Variants in CFAP70 observed in about 807,000 individuals in gnomAD.
CFAP70 encodes cilia and flagella associated protein 70.
CFAP70 carries 81 observed loss-of-function variants against 137.6 expected under a neutral mutation model. That is an observed-to-expected ratio of 0.59 (90% CI 0.49 to 0.71). The LOEUF is 0.71. Ranked by LOEUF, CFAP70 falls within the 30% of genes least tolerant of loss-of-function variation. CFAP70 has a pLI of 0.00. For missense variants in CFAP70, 976 were observed against 1,226.7 expected, an observed-to-expected ratio of 0.80 and a Z score of 3.05; for synonymous variants, 382 against 423.6, an observed-to-expected ratio of 0.90 and a Z score of 1.20.
chr10:73,353,758 C>T lies in CFAP70; in HGVS notation c.64-16G>A, dbSNP rs755656722. On this transcript the variant is annotated splice_polypyrimidine_tract_variant and intron_variant, in intron 2 of 26. Transcript: ENST00000310715. ...TAAAACCTTTCTGTTGGCAGAAACA[C>T]ACCACTTTACAATTATATTCAAATA... The T allele has an allele frequency of 2.3e-5, 37 of 1,610,142 alleles. No individual in the cohort carries two copies. The highest frequency in any genetic ancestry group is 2.7e-5 in the African/African-American group (2 of 74,692).
chr10:73,276,556 A>G (rs2046762529), intron 21 of CFAP70: 1 of 152,164 alleles, frequency 6.6e-6, no homozygotes, highest in Admixed American at 6.6e-5. Context: ...AATGTGGCTC[A>G]ATCCCACCCA....
exon 10 of CFAP70, chr10:73,312,618 C>A: frequency 1.9e-6 from 3 of 1,592,838 alleles, no homozygotes; most frequent in South Asian, 1.2e-5. Context: ...GCCAATATCC[C>A]GGAACAAGCT....
At chr10:73,315,058 T>G (rs1261986344) in intron 9 of CFAP70, among the ~76,000 whole-genome samples, 1 of 151,870 alleles carries the variant, frequency 6.6e-6, no homozygotes, top group Non-Finnish European at 1.5e-5. Flanking sequence ...CAAAAAAAAT[T>G]TTTTGTTTTA....
exon 6 of CFAP70, chr10:73,341,440 C>G: frequency 6.2e-7 from 1 of 1,613,996 alleles, no homozygotes; most frequent in Non-Finnish European, 8.5e-7. Flanking sequence ...TCATAGGGAC[C>G]ACCAACAATG....
chr10:73,291,695 G>T (rs746408678), exon 18 of CFAP70: 2 of 1,613,970 alleles, frequency 1.2e-6, no homozygotes, highest in African/African-American at 2.7e-5. Flanking sequence ...CATCCTCAAA[G>T]AAAATTTCTG....
At chr10:73,348,381 G>A (rs1324927023) in intron 4 of CFAP70, 42 bp downstream of exon 4, 16 of 1,581,582 alleles carry the variant, frequency 1.0e-5, no homozygotes, top group Non-Finnish European at 1.3e-5. Context: ...TAAGTTTTAT[G>A]AGCTTTTCCA....
At chr10:73,342,236 A>G (rs925512534) in intron 5 of CFAP70, among the ~76,000 whole-genome samples, 1 of 152,194 alleles carries the variant, frequency 6.6e-6, no homozygotes, top group African/African-American at 2.4e-5. Context: ...AGTAAAGTGC[A>G]CATTAAAACA....
intron 21 of CFAP70, chr10:73,276,515 C>T (rs1004882875): frequency 5.3e-5 from 8 of 152,082 alleles, no homozygotes; most frequent in South Asian, 2.1e-4. Context: ...TTCTATTTTG[C>T]GGAGGGTTAA....
intron 25 of CFAP70, among the ~76,000 whole-genome samples, chr10:73,265,724 AT>A (rs2045688412): frequency 6.6e-6 from 1 of 152,210 alleles, no homozygotes; most frequent in South Asian, 2.1e-4. Flanking sequence ...AAGTTTCCAT[AT>A]ATATGTCAGT....
intron 8 of CFAP70, among the ~76,000 whole-genome samples, chr10:73,325,541 C>A (rs1487282943): frequency 6.6e-6 from 1 of 152,068 alleles, no homozygotes; most frequent in African/African-American, 2.4e-5. Context: ...CACAGACTGG[C>A]AAATTGGATA....
chr10:73,301,142 A>C (rs1327095709), intron 12 of CFAP70, among the ~76,000 whole-genome samples: 1 of 152,222 alleles, frequency 6.6e-6, no homozygotes. Flanking sequence ...GGCCTCGCTG[A>C]GATGTTAACG....
At chr10:73,280,114 C>A (rs890513820) in intron 19 of CFAP70, among the ~76,000 whole-genome samples, 1 of 152,034 alleles carries the variant, frequency 6.6e-6, no homozygotes, top group Non-Finnish European at 1.5e-5. Context: ...GATCTTACAA[C>A]CCTGCTTAAA....
intron 25 of CFAP70, among the ~76,000 whole-genome samples, chr10:73,257,983 C>G (rs145104096): frequency 6.6e-5 from 10 of 151,836 alleles, no homozygotes; most frequent in African/African-American, 1.7e-4. Flanking sequence ...ACCTCCACCC[C>G]CTGGGTTCAA....
At chr10:73,356,786 T>C (rs779686384) in intron 1 of CFAP70, among the ~76,000 whole-genome samples, 12 of 152,342 alleles carry the variant, frequency 7.9e-5, no homozygotes, top group African/African-American at 2.9e-4. Context: ...TTTTCAATAA[T>C]ATGGCATTAG....
At chr10:73,292,314 T>C (rs752966257) in intron 16 of CFAP70, among the ~76,000 whole-genome samples, 1 of 152,198 alleles carries the variant, frequency 6.6e-6, no homozygotes, top group Non-Finnish European at 1.5e-5. Flanking sequence ...TTCATTGTAT[T>C]GTATATCAAC....
intron 19 of CFAP70, among the ~76,000 whole-genome samples, chr10:73,290,612 C>G (rs1378866772): frequency 6.6e-6 from 1 of 152,056 alleles, no homozygotes; most frequent in East Asian, 1.9e-4. Context: ...TACACACATG[C>G]AAGGAACACA....
In CFAP70 at chr10:73,288,102, T is replaced by A. The variant is rs2047885434; in HGVS notation, c.2239+3124A>T. ...TAGTAGAGACGGGTTTCGCCATATT[T>A]GCCAAGCTGGTCTGGAACCCCTGAC... On this transcript the variant is annotated intron_variant, in intron 19 of 26. Transcript: ENST00000310715. Among the ~76,000 whole-genome samples, 3 of 152,124 alleles carry A rather than the reference T, an allele frequency of 2.0e-5. No individual in the cohort carries two copies. The East Asian group carries it at 5.8e-4, about 29-fold the overall frequency.
At chr10:73,313,874 A>T (rs2050134130) in intron 9 of CFAP70, among the ~76,000 whole-genome samples, 1 of 152,120 alleles carries the variant, frequency 6.6e-6, no homozygotes, top group Non-Finnish European at 1.5e-5. Context: ...TTAAATTAAC[A>T]GGCTGAATTC....
At chr10:73,327,149 G>A (rs1475369971) in intron 8 of CFAP70, among the ~76,000 whole-genome samples, 1 of 147,726 alleles carries the variant, frequency 6.8e-6, no homozygotes, top group Non-Finnish European at 1.5e-5. Flanking sequence ...ATGATCAAGT[G>A]GGCTTCATCC....
Sources: gnomAD v4.1 joint callset for allele counts (sites outside exome capture counted in the v4.1 genomes callset) on GRCh38, gnomAD v4.1.1 for gene constraint, MANE v1.5 for transcripts, NCBI Gene and HGNC (gene_info 2026-07-23, HGNC 2026-07-21) for gene names.